Variants in HMGB3 observed in about 807,000 individuals in gnomAD.
HMGB3 encodes the protein high mobility group protein B3.
A neutral mutation model predicts 12.9 loss-of-function variants in HMGB3; 1 was observed. That is an observed-to-expected ratio of 0.08 (90% CI 0.03 to 0.37). The LOEUF (loss-of-function observed/expected upper bound fraction) is 0.37, where lower values mean the gene tolerates loss of function less well. HMGB3 is among the 10% of genes least tolerant of loss of function. The pLI, the probability that HMGB3 is intolerant of heterozygous loss-of-function variation, is 0.99. For synonymous variants in HMGB3, 61 were observed against 53.9 expected, an observed-to-expected ratio of 1.13 and a Z score of -0.57; for missense variants, 74 against 153.3, an observed-to-expected ratio of 0.48 and a Z score of 2.73.
At position 150,990,066 on chromosome X, in the gene HMGB3, G is replaced by A. The variant is rs1388463259; in HGVS notation, c.*2152G>A. 1 of 112,279 alleles carries A rather than the reference G, an allele frequency of 8.9e-6. No individual in the cohort carries two copies. The highest frequency in any genetic ancestry group is 1.9e-5 in the Non-Finnish European group (1 of 53,332). 9.3% of individuals were successfully genotyped at this position (112,279 alleles called of 1,213,427 possible). ...GCTTCAGCCATGTCCTTGTCACTTG[G>A]CATTCTAAGCTAAAGCTTTAGCTTC... On this transcript the variant is annotated 3_prime_UTR_variant, in exon 5 of 5. Coordinates refer to ENST00000325307, the MANE Select transcript of HMGB3 (RefSeq NM_005342.4).
chrX:150,981,189 G>C (rs1166030535), upstream of HMGB3, among the ~76,000 whole-genome samples: 1 of 109,707 alleles, frequency 9.1e-6, no homozygotes, highest in African/African-American at 3.3e-5. Context: ...AAAAGGCCTG[G>C]CCTGCCATGA....
In HMGB3 at chrX:150,989,442, G is replaced by C. The variant is rs1208685477; in HGVS notation, c.*1528G>C. The C allele has an allele frequency of 8.9e-6, 1 of 111,993 alleles. No individual in the cohort carries two copies. The highest frequency in any genetic ancestry group is 1.9e-5 in the Non-Finnish European group (1 of 53,224). 9.2% of individuals were successfully genotyped at this position (111,993 alleles called of 1,213,427 possible). ...AGCACTAAATGTATCATGAAAAGTT[G>C]AATGGCCTGCTCATAAGTTTAGCTC... On this transcript the variant is annotated 3_prime_UTR_variant, in exon 5 of 5. Transcript: ENST00000325307.
upstream of HMGB3, chrX:150,983,302 G>A (rs1557425125): frequency 1.3e-6 from 1 of 754,126 alleles, no homozygotes; most frequent in African/African-American, 2.3e-5. Context: ...CTCTCGTGGA[G>A]GCAGCTAGCG....
At position 150,990,736 on chromosome X, in the gene HMGB3, T is replaced by C. The variant is rs1208625275; in HGVS notation, c.*2822T>C. ...TTGGGGACGTTGGATGCATTCATTT[T>C]CTGTAATAAAGTTTCTTAATCACTC... On this transcript the variant is annotated 3_prime_UTR_variant, in exon 5 of 5. Transcript: ENST00000325307. 1.8e-5 allele frequency: 2 copies of C among 111,867 alleles called. No individual in the cohort carries two copies. Among genetic ancestry groups the C allele is most frequent in the Non-Finnish European group, 3.8e-5 (2 of 53,221 alleles). 9.2% of individuals were successfully genotyped at this position (111,867 alleles called of 1,213,427 possible).
intron 1 of HMGB3, chrX:150,983,707 G>A: frequency 2.8e-6 from 1 of 357,385 alleles, no homozygotes. Context: ...CAGGGCCCCC[G>A]AGGCCAGATG....
chrX:150,983,808 A>C (rs1557425152), intron 1 of HMGB3, among the ~76,000 whole-genome samples: 2 of 105,605 alleles, frequency 1.9e-5, no homozygotes, highest in African/African-American at 6.7e-5. Context: ...GGGGGCCGGG[A>C]GTTCCCCGGC....
At chrX:150,984,716 G>A (rs1220965552) in intron 1 of HMGB3, 39 of 198,553 alleles carry the variant, frequency 2.0e-4, no homozygotes, top group African/African-American at 1.2e-3. Context: ...GTCCCGCCCC[G>A]CCCGGGCCGC....
chrX:150,988,693 C>T lies in HMGB3; in HGVS notation c.*779C>T, dbSNP rs930798205. 5 of 111,988 alleles carry T rather than the reference C, an allele frequency of 4.5e-5. No individual in the cohort carries two copies. Among genetic ancestry groups the T allele is most frequent in the Admixed American group, 1.9e-4 (2 of 10,475 alleles). The allele number at this position is 111,988 out of a possible 1,213,427, so 9.2% of individuals were successfully genotyped here. Reference sequence around the variant, plus strand: ...TCCTGTACTTAAACACGATTCGCAACGTTCTGTTATTTTTTTTGTATGTTT... The same window carrying T: ...TCCTGTACTTAAACACGATTCGCAATGTTCTGTTATTTTTTTTGTATGTTT... On this transcript the variant is annotated 3_prime_UTR_variant, in exon 5 of 5. Transcript: ENST00000325307.
chrX:150,981,834 C>T (rs1386202103), upstream of HMGB3, among the ~76,000 whole-genome samples: 3 of 111,391 alleles, frequency 2.7e-5, no homozygotes, highest in Non-Finnish European at 5.7e-5. Context: ...TCAGGCTTGG[C>T]TGGGAGGCTC....
chrX:150,983,577 G>C, intron 1 of HMGB3: 8 of 751,877 alleles, frequency 1.1e-5, no homozygotes, highest in Non-Finnish European at 1.3e-5. Context: ...GGCCGGGAAG[G>C]AAGAAGCAAT....
chrX:150,982,878 C>G (rs1557425115), upstream of HMGB3, among the ~76,000 whole-genome samples: 1 of 113,095 alleles, frequency 8.8e-6, no homozygotes, highest in Non-Finnish European at 1.9e-5. Context: ...TACCATCGGC[C>G]CTTCGTGGTG....
At chrX:150,981,960 T>C (rs1451478898), upstream of HMGB3, among the ~76,000 whole-genome samples, 1 of 111,807 alleles carries the variant, frequency 8.9e-6, no homozygotes, top group African/African-American at 3.3e-5. Context: ...GGAAAATTCA[T>C]GTTCTGGTGG....
At position 150,990,209 on chromosome X, in the gene HMGB3, A is replaced by G. The variant is rs1412419051; in HGVS notation, c.*2295A>G. 8.9e-6 allele frequency: 1 copy of G among 112,274 alleles called. No homozygotes were observed. The allele number at this position is 112,274 out of a possible 1,213,427, so 9.3% of individuals were successfully genotyped here. A position where few individuals can be genotyped will look rare whatever the true frequency, so the allele number is the denominator to read the frequency against. On this transcript the variant is annotated 3_prime_UTR_variant, in exon 5 of 5. Transcript: ENST00000325307. ...TTGTTAAGTGGTGCGCGTCTATCTC[A>G]TAACTAGATGTACCAACCAGGGAAG...
chrX:150,982,334 G>A, upstream of HMGB3, among the ~76,000 whole-genome samples: 1 of 111,977 alleles, frequency 8.9e-6, no homozygotes, highest in South Asian at 3.8e-4. Flanking sequence ...AAGTGACACT[G>A]CGGCTCCTAT....
intron 1 of HMGB3, 165 bp from the exon 2 acceptor site, chrX:150,985,430 C>A (rs2048042399): frequency 1.6e-5 from 6 of 371,609 alleles, no homozygotes; most frequent in Non-Finnish European, 2.8e-5. Context: ...AAGCTGATTT[C>A]TTTCCTACTC....
intron 3 of HMGB3, 85 bp from the exon 4 acceptor site, chrX:150,987,043 G>A: frequency 4.4e-6 from 3 of 679,637 alleles, no homozygotes; most frequent in Non-Finnish European, 4.6e-6. Context: ...AGTGGTAGGA[G>A]GGAGATGCTT....
In HMGB3 at chrX:150,986,527, A is replaced by G. The variant is rs782114003; in HGVS notation, c.290+337A>G. On this transcript the variant is annotated intron_variant, in intron 3 of 4. Coordinates refer to ENST00000325307, the MANE Select transcript of HMGB3 (RefSeq NM_005342.4). Reference sequence around the variant, plus strand: ...TTCCTAGTAATTGAAAGACTGGGACAGCACCATATATATATGCGCGTATAT... The same window carrying G: ...TTCCTAGTAATTGAAAGACTGGGACGGCACCATATATATATGCGCGTATAT... Among the ~76,000 whole-genome samples, 59 of 109,997 alleles carry G rather than the reference A, an allele frequency of 5.4e-4. 1 individual carries two copies. Among genetic ancestry groups the G allele is most frequent in the African/African-American group, 1.7e-3 (51 of 30,225 alleles).
chrX:150,986,306 T>A, intron 3 of HMGB3, 116 bp downstream of exon 3: 1 of 596,082 alleles, frequency 1.7e-6, no homozygotes, highest in Non-Finnish European at 2.5e-6. Flanking sequence ...AAAAGATACT[T>A]AAAAGATGGC....
At chrX:150,984,521 GCACCGCCACCGC>G (rs1190904004) in intron 1 of HMGB3, 1 of 437,096 alleles carries the variant, frequency 2.3e-6, no homozygotes, top group Non-Finnish European at 2.8e-6. Context: ...CACCCCCCGC[GCACCGCCACCGC>G]CGCCGCCCCC....
Sources: gnomAD v4.1 joint callset for allele counts (sites outside exome capture counted in the v4.1 genomes callset) on GRCh38, gnomAD v4.1.1 for gene constraint, MANE v1.5 for transcripts, NCBI Gene and HGNC (gene_info 2026-07-23, HGNC 2026-07-21) for gene names.